The following STXBP6 variants were observed in gnomAD, a reference collection of about 807,000 sequenced individuals.
STXBP6 encodes syntaxin-binding protein 6.
A neutral mutation model predicts 26.9 loss-of-function variants in STXBP6; 21 were observed. The observed-to-expected ratio is 0.78, with a 90% CI of 0.55 to 1.12. STXBP6 has a LOEUF of 1.12. Among genes scored for constraint, STXBP6 ranks in the 50% most tolerant of loss-of-function variants. The probability of loss-of-function intolerance (pLI) is 0.00; values close to 1 mark genes in which losing one functional copy is unlikely to be tolerated. For synonymous variants in STXBP6, 97 were observed against 92.6 expected, an observed-to-expected ratio of 1.05 and a Z score of -0.27; for missense variants, 232 against 257.9, an observed-to-expected ratio of 0.90 and a Z score of 0.69.
Position 24,856,082 on chromosome 14 carries a change from A to C in STXBP6, c.305T>G (p.Leu102Trp). The C allele has an allele frequency of 6.9e-6, 11 of 1,601,750 alleles. No homozygotes were observed. Among genetic ancestry groups the C allele is most frequent in the Non-Finnish European group, 9.4e-6 (11 of 1,175,666 alleles). Residue 102 changes from leucine to tryptophan, a missense_variant, in exon 4 of 6, where the codon TTG becomes TGG. Transcript: ENST00000323944. ...DPNGDSAEFD[L>W]LFENAFDQWV... is the part of the protein sequence containing the mutation. ...CTGGTCAAAAGCATTTTCAAACAAC[A>C]AATCAAACTCTGCCGAATCCTGGAA...
In STXBP6 at chr14:25,037,293, G is replaced by A. The variant is rs546771833; in HGVS notation, c.-33+12585C>T. Among the ~76,000 whole-genome samples, 12 of 152,320 alleles carry A rather than the reference G, an allele frequency of 7.9e-5. No homozygotes were observed. In the South Asian group the frequency reaches 1.5e-3, roughly 18 times the overall value. On this transcript the variant is annotated intron_variant, in intron 1 of 5. Transcript: ENST00000323944. ...AATGGAAACCAGAACTTCACTATCAGCACTTGTTTTTCTGGCTGCAACAGA... is the reference window on the plus strand; with the variant it reads ...AATGGAAACCAGAACTTCACTATCAACACTTGTTTTTCTGGCTGCAACAGA...
Position 25,049,618 on chromosome 14 carries a change from A to T in STXBP6, c.-33+260T>A, listed in dbSNP as rs2075774389. On this transcript the variant is annotated intron_variant, in intron 1 of 5. Transcript: ENST00000323944. This position sits in a 1 kb window ranked among gnomAD's most constrained non-coding sequence, Gnocchi z 5.6. ...CGGCTTGCCCAATACTGCCCGCACA[A>T]CGGGTCCCAGGGTTGGAGAGAACCA... 1 of 985,252 alleles carries T rather than the reference A, an allele frequency of 1.0e-6. No individual in the cohort carries two copies. Among genetic ancestry groups the T allele is most frequent in the African/African-American group, 1.7e-5 (1 of 57,336 alleles). The allele number at this position is 985,252 out of a possible 1,614,324, so 61.0% of individuals were successfully genotyped here.
At position 24,811,936 on chromosome 14, in the gene STXBP6, G is replaced by A. The variant is rs2067834993; in HGVS notation, c.*773C>T. On this transcript the variant is annotated 3_prime_UTR_variant, in exon 6 of 6. Transcript: ENST00000323944. ...ACAGTGACAAGAGAAACATCTGTGAGTACACAGAGGGTTTTAGGTAGGCTT... is the reference window on the plus strand; with the variant it reads ...ACAGTGACAAGAGAAACATCTGTGAATACACAGAGGGTTTTAGGTAGGCTT... 1 of 152,134 alleles carries A rather than the reference G, an allele frequency of 6.6e-6. No individual in the cohort carries two copies. The highest frequency in any genetic ancestry group is 2.4e-5 in the African/African-American group (1 of 41,436). The allele number at this position is 152,134 out of a possible 1,614,324, so 9.4% of individuals were successfully genotyped here. A position where few individuals can be genotyped will look rare whatever the true frequency, so the allele number is the denominator to read the frequency against.
intron 2 of STXBP6, among the ~76,000 whole-genome samples, chr14:24,880,097 G>A (rs1409863963): frequency 6.6e-6 from 1 of 152,192 alleles, no homozygotes; most frequent in African/African-American, 2.4e-5. Context: ...ATTAGTTACT[G>A]AACTGGCATC....
chr14:24,992,588 A>G (rs1320193489), intron 1 of STXBP6, among the ~76,000 whole-genome samples: 1 of 152,224 alleles, frequency 6.6e-6, no homozygotes, highest in Admixed American at 6.5e-5. Flanking sequence ...AAGCTGTCAT[A>G]GACAAGACAT....
intron 2 of STXBP6, among the ~76,000 whole-genome samples, chr14:24,909,075 A>G (rs572690001): frequency 1.3e-5 from 2 of 152,384 alleles, no homozygotes; most frequent in South Asian, 4.1e-4. Flanking sequence ...GATAAGCAGG[A>G]AAGAAGACAC....
At chr14:24,893,584 G>A (rs939481218) in intron 2 of STXBP6, among the ~76,000 whole-genome samples, 3 of 152,180 alleles carry the variant, frequency 2.0e-5, no homozygotes, top group Non-Finnish European at 4.4e-5. Context: ...AAAATATGGG[G>A]TACTAATGTG....
At chr14:24,903,691 T>C (rs2071291612) in intron 2 of STXBP6, among the ~76,000 whole-genome samples, 1 of 152,164 alleles carries the variant, frequency 6.6e-6, no homozygotes, top group Non-Finnish European at 1.5e-5. Context: ...TATTTATAAC[T>C]TAGGGATCTA....
chr14:24,884,380 A>G (rs1018253087), intron 2 of STXBP6, among the ~76,000 whole-genome samples: 3 of 152,204 alleles, frequency 2.0e-5, no homozygotes, highest in African/African-American at 7.2e-5. Flanking sequence ...CAGAAACAGA[A>G]GGTACCAACA....
intron 2 of STXBP6, among the ~76,000 whole-genome samples, chr14:24,939,604 C>A (rs910996574): frequency 3.9e-5 from 6 of 152,086 alleles, no homozygotes; most frequent in Admixed American, 2.6e-4. Context: ...CGTATGTATA[C>A]TTCACATGTA....
intron 2 of STXBP6, among the ~76,000 whole-genome samples, chr14:24,955,636 G>A (rs544539830): frequency 5.3e-5 from 8 of 152,214 alleles, no homozygotes; most frequent in African/African-American, 1.9e-4. Context: ...GATGAGATGA[G>A]TGGGTACCGT....
intron 1 of STXBP6, among the ~76,000 whole-genome samples, chr14:25,002,359 CTTTT>C (rs747010332): frequency 1.6e-5 from 2 of 121,358 alleles, no homozygotes; most frequent in African/African-American, 6.7e-5. Flanking sequence ...ATTCTTATGA[CTTTT>C]TTTTTTTTTT....
chr14:24,864,944 C>G (rs1377410770), intron 2 of STXBP6, among the ~76,000 whole-genome samples: 2 of 152,130 alleles, frequency 1.3e-5, no homozygotes, highest in Admixed American at 1.3e-4. Context: ...CCTTCTCTCT[C>G]TACTGTGTTC....
intron 2 of STXBP6, among the ~76,000 whole-genome samples, chr14:24,968,336 G>A (rs1302020536): frequency 1.3e-5 from 2 of 151,678 alleles, no homozygotes; most frequent in Non-Finnish European, 2.9e-5. Flanking sequence ...TTTCTACCAA[G>A]GTCAAATTTC....
intron 2 of STXBP6, among the ~76,000 whole-genome samples, chr14:24,867,284 A>G (rs2069757289): frequency 6.6e-6 from 1 of 152,174 alleles, no homozygotes; most frequent in Admixed American, 6.5e-5. Flanking sequence ...CTCTGAGCAG[A>G]TACTGAAACT....
chr14:24,816,306 C>CT (rs2067973477), intron 5 of STXBP6: 1 of 152,266 alleles, frequency 6.6e-6, no homozygotes, highest in Non-Finnish European at 1.5e-5. Context: ...GCAGGCCTGG[C>CT]TGTGGCTTGT....
At chr14:24,867,464 C>G (rs1439616735) in intron 2 of STXBP6, among the ~76,000 whole-genome samples, 1 of 152,128 alleles carries the variant, frequency 6.6e-6, no homozygotes, top group African/African-American at 2.4e-5. Context: ...ACACATAGAT[C>G]AATGCAACAG....
chr14:24,918,451 ACC>A (rs1491112479), intron 2 of STXBP6, among the ~76,000 whole-genome samples: 32 of 74,888 alleles, frequency 4.3e-4, no homozygotes, highest in Admixed American at 3.7e-3. Context: ...CCACACCCCC[ACC>A]ACACACACAC....
intron 2 of STXBP6, among the ~76,000 whole-genome samples, chr14:24,897,425 A>G (rs2071035808): frequency 1.0e-5 from 1 of 96,766 alleles, no homozygotes; most frequent in African/African-American, 3.4e-5. Context: ...AAAAAAAAAA[A>G]AAGGAAAAAA....
Sources: gnomAD v4.1 joint callset for allele counts (sites outside exome capture counted in the v4.1 genomes callset) on GRCh38, gnomAD v4.1.1 for gene constraint, Gnocchi (gnomAD v3.1) non-coding constraint, MANE v1.5 for transcripts, NCBI Gene and HGNC (gene_info 2026-07-23, HGNC 2026-07-21) for gene names.